Variants in CNTN5 observed in about 807,000 individuals in gnomAD.
The protein encoded by CNTN5 is contactin 5.
In CNTN5, 77 loss-of-function variants were observed where a neutral mutation model predicts 129.1. The ratio of observed to expected loss-of-function variants is 0.60; its 90% CI spans 0.50 to 0.72. The LOEUF is 0.72. Among genes scored for constraint, CNTN5 ranks in the 30% least tolerant of loss-of-function variants. CNTN5 has a pLI of 0.00. For synonymous variants in CNTN5, 509 were observed against 465.6 expected (o/e 1.09, Z -1.20); for missense variants, 1,478 against 1,328.8 (o/e 1.11, Z -1.75).
intron 1 of CNTN5, among the ~76,000 whole-genome samples, chr11:99,311,102 T>C (rs1006526258): frequency 3.9e-5 from 6 of 152,120 alleles, no homozygotes; most frequent in Non-Finnish European, 7.4e-5. Flanking sequence ...ATAATTTTTG[T>C]ATTTTTAGTA....
chr11:99,747,639 T>G (rs887408132), intron 3 of CNTN5, among the ~76,000 whole-genome samples: 1 of 151,412 alleles, frequency 6.6e-6, no homozygotes, highest in Non-Finnish European at 1.5e-5. Context: ...CTGGCTAACT[T>G]TTTTTTGTAT....
chr11:99,769,048 T>TA (rs1855731872), intron 3 of CNTN5, among the ~76,000 whole-genome samples: 1 of 152,172 alleles, frequency 6.6e-6, no homozygotes, highest in Non-Finnish European at 1.5e-5. Flanking sequence ...TTTCATTTCT[T>TA]AAAAAATTAT....
intron 3 of CNTN5, among the ~76,000 whole-genome samples, chr11:99,809,197 G>A (rs1946359135): frequency 6.6e-6 from 1 of 152,106 alleles, no homozygotes; most frequent in South Asian, 2.1e-4. Context: ...TCTATTAAGT[G>A]TAAAAATAAA....
Position 99,831,907 on chromosome 11 carries a change from A to G in CNTN5, c.277+12142A>G, listed in dbSNP as rs114047444. 8.4e-3 allele frequency among the ~76,000 whole-genome samples: 1,279 copies of G among 152,276 alleles called. 22 individuals carry two copies. Among genetic ancestry groups the G allele is most frequent in the African/African-American group, 0.029 (1,217 of 41,536 alleles). ...ATGGTGGACATTGAGTTCTTCAGCAACTTCTCGTGTAGTCAGAAGAGGATC... is the reference window on the plus strand; with the variant it reads ...ATGGTGGACATTGAGTTCTTCAGCAGCTTCTCGTGTAGTCAGAAGAGGATC... On this transcript the variant is annotated intron_variant, in intron 4 of 24. Transcript: ENST00000524871.
intron 3 of CNTN5, among the ~76,000 whole-genome samples, chr11:99,806,816 CA>C (rs34469797): frequency 0.031 from 4,045 of 128,648 alleles, 161 homozygotes; most frequent in African/African-American, 0.1. Context: ...CCACCCCCTG[CA>C]AAAAAAAAAA....
chr11:99,680,142 G>A (rs2134708463), intron 3 of CNTN5, among the ~76,000 whole-genome samples: 1 of 152,258 alleles, frequency 6.6e-6, no homozygotes. Flanking sequence ...AAGTGCTGAT[G>A]TAGAAACTGT....
intron 2 of CNTN5, among the ~76,000 whole-genome samples, chr11:99,371,250 T>C (rs963071884): frequency 1.3e-5 from 2 of 152,092 alleles, no homozygotes; most frequent in African/African-American, 4.8e-5. Context: ...ATTATATCCA[T>C]TTTTAATGTA....
At chr11:100,025,645 C>A (rs1273996610) in intron 9 of CNTN5, among the ~76,000 whole-genome samples, 1 of 152,186 alleles carries the variant, frequency 6.6e-6, no homozygotes, top group Non-Finnish European at 1.5e-5. Context: ...TGCCCAACAC[C>A]ATGGGAACCC....
intron 13 of CNTN5, among the ~76,000 whole-genome samples, chr11:100,151,839 G>T (rs1947071468): frequency 6.6e-6 from 1 of 152,110 alleles, no homozygotes; most frequent in South Asian, 2.1e-4. Flanking sequence ...ACTGTGATAG[G>T]TTTAGGTGCC....
At chr11:100,028,933 G>A (rs1032920735) in intron 9 of CNTN5, among the ~76,000 whole-genome samples, 1 of 152,064 alleles carries the variant, frequency 6.6e-6, no homozygotes, top group Non-Finnish European at 1.5e-5. Context: ...ATTTTACTCT[G>A]GCTGCTGTTA....
chr11:99,029,687 A>G (rs1011114814), intron 1 of CNTN5, among the ~76,000 whole-genome samples: 1 of 152,138 alleles, frequency 6.6e-6, no homozygotes, highest in Non-Finnish European at 1.5e-5. Context: ...TAAAAATTAT[A>G]AAATGAGGAA....
intron 1 of CNTN5, among the ~76,000 whole-genome samples, chr11:99,050,716 A>G (rs1271677465): frequency 2.0e-5 from 3 of 151,184 alleles, no homozygotes; most frequent in Non-Finnish European, 4.4e-5. Flanking sequence ...AGCAACTTAC[A>G]ATTTTTAGGG....
intron 2 of CNTN5, among the ~76,000 whole-genome samples, chr11:99,470,363 A>G (rs1329816120): frequency 1.3e-5 from 2 of 152,168 alleles, no homozygotes; most frequent in African/African-American, 4.8e-5. Flanking sequence ...TCTTGTTCCT[A>G]CACAAATAAA....
At chr11:99,847,332 G>A (rs1947732168) in intron 6 of CNTN5, among the ~76,000 whole-genome samples, 1 of 152,162 alleles carries the variant, frequency 6.6e-6, no homozygotes, top group African/African-American at 2.4e-5. Context: ...TGGCAGCAGC[G>A]TTTACAATTC....
intron 3 of CNTN5, among the ~76,000 whole-genome samples, chr11:99,745,930 G>A (rs1342609083): frequency 6.6e-6 from 1 of 152,146 alleles, no homozygotes; most frequent in Non-Finnish European, 1.5e-5. Context: ...TAGCCAAGAA[G>A]ACCAGTGATG....
chr11:99,857,256 ATTTC>A (rs1948069792), intron 6 of CNTN5, among the ~76,000 whole-genome samples: 1 of 152,028 alleles, frequency 6.6e-6, no homozygotes, highest in South Asian at 2.1e-4. Context: ...TGTCTTTTTT[ATTTC>A]TTTATTTTAG....
intron 1 of CNTN5, among the ~76,000 whole-genome samples, chr11:99,154,707 C>T (rs4369367): frequency 0.75 from 114,473 of 151,970 alleles, 43,449 homozygotes; most frequent in East Asian, 0.94. Flanking sequence ...ATAGGTGCTC[C>T]GCCGAGGACC....
chr11:99,139,109 C>G (rs1013029531), intron 1 of CNTN5, among the ~76,000 whole-genome samples: 2 of 51,530 alleles, frequency 3.9e-5, no homozygotes, highest in Non-Finnish European at 7.9e-5. Flanking sequence ...CCACCCCCCC[C>G]CCCCAAAAAT....
intron 2 of CNTN5, among the ~76,000 whole-genome samples, chr11:99,427,871 T>TATC (rs1372656980): frequency 6.6e-6 from 1 of 151,768 alleles, no homozygotes; most frequent in Non-Finnish European, 1.5e-5. Context: ...TTATTTTGTG[T>TATC]ATCAGTGTAT....
Sources: allele counts gnomAD v4.1 joint callset (sites outside exome capture counted in the v4.1 genomes callset), GRCh38; gene constraint gnomAD v4.1.1; transcripts MANE v1.5; gene names NCBI Gene and HGNC (gene_info 2026-07-23, HGNC 2026-07-21).